Variants in SNTG2 observed in about 807,000 individuals in gnomAD.
The protein encoded by SNTG2 is gamma-2-syntrophin.
A neutral mutation model predicts 70.9 loss-of-function variants in SNTG2; 74 were observed. The observed-to-expected ratio is 1.04, with a 90% CI of 0.86 to 1.27. The LOEUF (loss-of-function observed/expected upper bound fraction) is 1.27, where lower values mean the gene tolerates loss of function less well. Ranked by LOEUF, SNTG2 falls within the 50% of genes most tolerant of loss-of-function variation. SNTG2 has a pLI of 0.00. For synonymous variants in SNTG2, 278 were observed against 273.8 expected (o/e 1.02, Z -0.15); for missense variants, 717 against 690.7 (o/e 1.04, Z -0.43).
intron 4 of SNTG2, among the ~76,000 whole-genome samples, chr2:1,128,170 CT>C (rs10707640): frequency 0.53 from 80,163 of 151,258 alleles, 21,495 homozygotes; most frequent in East Asian, 0.63. Flanking sequence ...TTATTAAATG[CT>C]TTTTTTTTCT....
chr2:1,055,334 A>G (rs1662324017), intron 1 of SNTG2, among the ~76,000 whole-genome samples: 2 of 152,128 alleles, frequency 1.3e-5, no homozygotes, highest in African/African-American at 4.8e-5. Flanking sequence ...TGTGTAGGTG[A>G]CTTTTTCCAG....
chr2:1,080,490 G>C (rs1414871636), intron 1 of SNTG2, among the ~76,000 whole-genome samples: 1 of 152,192 alleles, frequency 6.6e-6, no homozygotes, highest in Non-Finnish European at 1.5e-5. Context: ...CTATGTGTAT[G>C]TGTGTGCATG....
At chr2:1,016,166 G>A (rs1185100906) in intron 1 of SNTG2, among the ~76,000 whole-genome samples, 1 of 151,220 alleles carries the variant, frequency 6.6e-6, no homozygotes, top group Non-Finnish European at 1.5e-5. Context: ...CCCCCTTCCT[G>A]TAATTAAAAA....
chr2:1,112,024 G>A (rs112703401), intron 4 of SNTG2, among the ~76,000 whole-genome samples: 2,390 of 138,052 alleles, frequency 0.017, no homozygotes, highest in East Asian at 0.022. Flanking sequence ...CTTTGAGAAG[G>A]ATCGTGTGTA....
At chr2:1,251,949 G>C (rs991596595) in intron 12 of SNTG2, among the ~76,000 whole-genome samples, 3 of 152,230 alleles carry the variant, frequency 2.0e-5, no homozygotes, top group Non-Finnish European at 2.9e-5. Flanking sequence ...GTACTCATTG[G>C]TGAGTGCTGG....
intron 11 of SNTG2, among the ~76,000 whole-genome samples, chr2:1,243,918 T>A (rs1226482731): frequency 1.1e-4 from 17 of 152,106 alleles, no homozygotes; most frequent in Admixed American, 1.1e-3. Flanking sequence ...CCCAGCTACC[T>A]GGGAGGCTGA....
chr2:1,244,843 G>A (rs944761442), intron 11 of SNTG2, among the ~76,000 whole-genome samples: 48 of 151,988 alleles, frequency 3.2e-4, no homozygotes, highest in African/African-American at 1.0e-3. Flanking sequence ...CAATAAGCTT[G>A]TTTTTGCCTG....
chr2:1,357,567 T>G (rs1208926980), intron 16 of SNTG2, among the ~76,000 whole-genome samples: 1 of 152,192 alleles, frequency 6.6e-6, no homozygotes, highest in Non-Finnish European at 1.5e-5. Flanking sequence ...CTCTTCAGTT[T>G]TTGAAAGAAT....
At chr2:1,025,664 A>T (rs1220976759) in intron 1 of SNTG2, among the ~76,000 whole-genome samples, 1 of 152,084 alleles carries the variant, frequency 6.6e-6, no homozygotes, top group Non-Finnish European at 1.5e-5. Flanking sequence ...CAGCGTCTCC[A>T]AATCTCACTG....
intron 1 of SNTG2, among the ~76,000 whole-genome samples, chr2:951,404 G>C (rs6757423): frequency 0.35 from 52,703 of 152,188 alleles, 9,703 homozygotes; most frequent in African/African-American, 0.45. Flanking sequence ...AGATTGGCCC[G>C]GCATTGCTTC....
chr2:1,255,273 C>G (rs1050094363), intron 12 of SNTG2, among the ~76,000 whole-genome samples: 5 of 152,194 alleles, frequency 3.3e-5, no homozygotes, highest in African/African-American at 4.8e-5. Context: ...ATCCCACCCT[C>G]GGCCTTCCTT....
chr2:963,164 A>T (rs963043985), intron 1 of SNTG2, among the ~76,000 whole-genome samples: 4 of 152,170 alleles, frequency 2.6e-5, no homozygotes, highest in African/African-American at 9.7e-5. Context: ...TTTGAAAGTG[A>T]TTAACATTAA....
chr2:1,156,737 A>G (rs2147827051), intron 6 of SNTG2, among the ~76,000 whole-genome samples: 1 of 152,198 alleles, frequency 6.6e-6, no homozygotes, highest in Admixed American at 6.5e-5. Flanking sequence ...TGGAGACAGT[A>G]AGGTGATGCT....
At chr2:1,175,384 C>T (rs547723700) in intron 8 of SNTG2, among the ~76,000 whole-genome samples, 1 of 152,288 alleles carries the variant, frequency 6.6e-6, no homozygotes, top group Admixed American at 6.5e-5. Flanking sequence ...CTCTTGCCAC[C>T]TCCTAACTCA....
intron 1 of SNTG2, among the ~76,000 whole-genome samples, chr2:953,037 A>G (rs1000636524): frequency 1.3e-5 from 2 of 152,148 alleles, no homozygotes; most frequent in African/African-American, 2.4e-5. Flanking sequence ...TTCTAGTTAT[A>G]TTTTTTCTAT....
intron 11 of SNTG2, among the ~76,000 whole-genome samples, chr2:1,240,345 C>G (rs1329631189): frequency 2.6e-5 from 4 of 152,146 alleles, no homozygotes; most frequent in Non-Finnish European, 5.9e-5. Context: ...TGATTTTCTG[C>G]TCACTTCCCA....
intron 14 of SNTG2, among the ~76,000 whole-genome samples, chr2:1,307,302 C>T (rs1249454843): frequency 1.6e-5 from 2 of 121,808 alleles, no homozygotes; most frequent in Non-Finnish European, 3.4e-5. Context: ...GTGTGTGTGC[C>T]AGCCCTGCAT....
intron 6 of SNTG2, 71 bp downstream of exon 6, chr2:1,137,880 A>C: frequency 7.3e-7 from 1 of 1,364,942 alleles, no homozygotes. Context: ...TCTATAGTTG[A>C]TATTTCACTG....
Position 1,135,948 on chromosome 2 carries a change from G to A in SNTG2, c.326-1674G>A, listed in dbSNP as rs78966561. 4.1e-3 allele frequency among the ~76,000 whole-genome samples: 619 copies of A among 152,216 alleles called. 5 individuals carry two copies. Among genetic ancestry groups the A allele is most frequent in the African/African-American group, 0.015 (605 of 41,536 alleles). ...CAAGCTGAAGCTTAGTTTCCCATGC[G>A]TCAGGTAGGTATTTGATAAAGATGG... On this transcript the variant is annotated intron_variant, in intron 4 of 16. Transcript: ENST00000308624.
Sources: gnomAD v4.1 joint callset for allele counts (sites outside exome capture counted in the v4.1 genomes callset) on GRCh38, gnomAD v4.1.1 for gene constraint, MANE v1.5 for transcripts, NCBI Gene and HGNC (gene_info 2026-07-23, HGNC 2026-07-21) for gene names.